DNAH8: variants seen among roughly 807,000 people sequenced by gnomAD.
The protein encoded by DNAH8 is dynein axonemal heavy chain 8.
Under a neutral mutation model 562.1 loss-of-function variants are expected in DNAH8, and 382 were observed. That is an observed-to-expected ratio of 0.68 (90% CI 0.63 to 0.74). The LOEUF (loss-of-function observed/expected upper bound fraction) is 0.74. Among genes scored for constraint, DNAH8 ranks in the 30% least tolerant of loss-of-function variants. The pLI, the probability that DNAH8 is intolerant of heterozygous loss-of-function variation, is 0.00. For missense variants in DNAH8, 5,203 were observed against 5,620.4 expected, an observed-to-expected ratio of 0.93 and a Z score of 2.37; for synonymous variants, 1,881 against 1,919.4, an observed-to-expected ratio of 0.98 and a Z score of 0.52.
Position 38,791,573 on chromosome 6 carries a change from A to G in DNAH8, c.2800A>G (p.Met934Val). Residue 934 changes from methionine to valine, a missense_variant, in exon 21 of 93, where the codon ATG becomes GTG. Met to Val is a conservative substitution (Grantham distance 21, BLOSUM62 1). Transcript: ENST00000327475. ...CTTGTAGATCAGTGACTTGTGTGAAATGCATATTGATACAGTTCTGAAGGA... is the reference window on the plus strand; with the variant it reads ...CTTGTAGATCAGTGACTTGTGTGAAGTGCATATTGATACAGTTCTGAAGGA... ...LLKKISDLCE[M>V]HIDTVLKEIA... The G allele has an allele frequency of 6.2e-7, 1 of 1,611,440 alleles. No individual in the cohort carries two copies. Among genetic ancestry groups the G allele is most frequent in the Non-Finnish European group, 8.5e-7 (1 of 1,179,374 alleles).
At chr6:38,721,355 T>C (rs201895591) in intron 1 of DNAH8, among the ~76,000 whole-genome samples, 22 of 121,654 alleles carry the variant, frequency 1.8e-4, no homozygotes, top group East Asian at 7.0e-4. Flanking sequence ...AACAAATAAA[T>C]AAATTAGCCA....
intron 91 of DNAH8, among the ~76,000 whole-genome samples, chr6:39,021,727 T>C (rs995031498): frequency 1.3e-5 from 2 of 152,240 alleles, no homozygotes; most frequent in African/African-American, 4.8e-5. Flanking sequence ...GGAAGCTTAG[T>C]AACTGATTAG....
At chr6:38,786,733 A>T (rs1212170806) in intron 17 of DNAH8, 32 bp from the exon 18 acceptor site, 1 of 1,592,986 alleles carries the variant, frequency 6.3e-7, no homozygotes, top group East Asian at 2.2e-5. Context: ...GGAAATTCAG[A>T]ATGAGTAATG....
rs1764622206 is a variant in DNAH8, at chr6:38,989,285, G to GT, written c.13054-726dup. 3.9e-5 allele frequency among the ~76,000 whole-genome samples: 6 copies of GT among 152,254 alleles called. No individual in the cohort carries two copies. In the South Asian group the frequency reaches 8.3e-4, roughly 21 times the overall value. On this transcript the variant is annotated intron_variant, in intron 87 of 92. Transcript: ENST00000327475. ...CCCACTGGGAAAATTGCTGTGAGAC[G>GT]TAAGTCATTGCCTCAAATCTGGCTC... is the stretch of plus-strand genomic sequence containing the variant.
intron 76 of DNAH8, 34 bp from the exon 77 acceptor site, chr6:38,935,558 A>G: frequency 1.4e-6 from 2 of 1,451,974 alleles, no homozygotes; most frequent in Non-Finnish European, 9.6e-7. Flanking sequence ...TGGTAATTAT[A>G]GTTCCAATGT....
chr6:38,853,976 T>A (rs9357285), intron 41 of DNAH8, among the ~76,000 whole-genome samples: 6,331 of 151,966 alleles, frequency 0.042, 356 homozygotes, highest in East Asian at 0.28. Context: ...GTAAAAAAAA[T>A]TTTTAAGTTG....
chr6:38,884,746 AAAAAAC>A (rs1778788752), intron 56 of DNAH8, among the ~76,000 whole-genome samples: 1 of 152,216 alleles, frequency 6.6e-6, no homozygotes, highest in Non-Finnish European at 1.5e-5. Flanking sequence ...GTGATGTTCA[AAAAAAC>A]AAAAACAAAA....
At chr6:39,008,503 A>G (rs910771935) in intron 88 of DNAH8, among the ~76,000 whole-genome samples, 4 of 152,106 alleles carry the variant, frequency 2.6e-5, no homozygotes, top group Non-Finnish European at 5.9e-5. Context: ...GTTCAGCATG[A>G]GGTGGTCAGG....
At position 38,850,275 on chromosome 6, in the gene DNAH8, G is replaced by A. The variant is rs199737918; in HGVS notation, c.5224G>A (p.Asp1742Asn). The change falls in exon 38 of 93, where the codon GAC (aspartate) becomes AAC (asparagine). Residue 1742 changes from aspartate (D) to asparagine (N), a missense_variant. Transcript: ENST00000327475. The stretch of plus-strand genomic sequence containing the variant: ...GGAAGCAAAACGTTTTCAGAATATT[G>A]ACAAGTCTTGGATAAAAATAATGCA... ...PQEAKRFQNI[D>N]KSWIKIMQRA... 8.7e-5 allele frequency: 140 copies of A among 1,613,226 alleles called. 2 individuals carry two copies. The highest frequency in any genetic ancestry group is 8.3e-4 in the Middle Eastern group (5 of 6,050).
At chr6:38,729,018 C>T (rs1209463473) in intron 3 of DNAH8, among the ~76,000 whole-genome samples, 1 of 152,214 alleles carries the variant, frequency 6.6e-6, no homozygotes, top group African/African-American at 2.4e-5. Context: ...GCCTGGCCAA[C>T]ATGGCGAAAC....
Position 38,851,555 on chromosome 6 carries a change from G to T in DNAH8, c.5364-17G>T. ...AAAAAAAACCACTTGGTAACATACT[G>T]TCGACTTTATTTGAAGGTATTTGGA... On this transcript the variant is annotated splice_polypyrimidine_tract_variant and intron_variant, in intron 38 of 92. Coordinates refer to ENST00000327475, the MANE Select transcript of DNAH8 (RefSeq NM_001206927.2). 2.6e-6 allele frequency: 4 copies of T among 1,534,504 alleles called. No homozygotes were observed. Among genetic ancestry groups the T allele is most frequent in the Non-Finnish European group, 3.6e-6 (4 of 1,120,634 alleles).
intron 1 of DNAH8, among the ~76,000 whole-genome samples, chr6:38,715,939 TATATATATATA>T (rs1562520479): frequency 7.8e-5 from 2 of 25,558 alleles, no homozygotes; most frequent in African/African-American, 1.7e-4. Context: ...TATATATATA[TATATATATATA>T]TATATATATA....
chr6:38,914,061 C>A, intron 67 of DNAH8, 109 bp downstream of exon 67: 1 of 766,464 alleles, frequency 1.3e-6, no homozygotes, highest in Non-Finnish European at 2.2e-6. Context: ...ATGGACAATT[C>A]CTGATAAGAT....
At chr6:38,888,397 A>C (rs979521283) in intron 57 of DNAH8, among the ~76,000 whole-genome samples, 2 of 152,184 alleles carry the variant, frequency 1.3e-5, no homozygotes, top group African/African-American at 4.8e-5. Flanking sequence ...CAATTTGACT[A>C]GATTGAAATG....
At chr6:38,868,914 C>G (rs1244724521) in intron 48 of DNAH8, among the ~76,000 whole-genome samples, 2 of 151,990 alleles carry the variant, frequency 1.3e-5, no homozygotes, top group South Asian at 2.1e-4. Context: ...TCAAGTGATC[C>G]ACCCCACCTC....
At chr6:38,718,578 A>G (rs936107725) in intron 1 of DNAH8, among the ~76,000 whole-genome samples, 2 of 152,192 alleles carry the variant, frequency 1.3e-5, no homozygotes, top group Non-Finnish European at 2.9e-5. Context: ...TATTTTGGGA[A>G]TCTTAGCTAT....
chr6:38,752,203 A>G (rs569757237), intron 9 of DNAH8, among the ~76,000 whole-genome samples: 21 of 148,280 alleles, frequency 1.4e-4, no homozygotes, highest in South Asian at 4.2e-4. Flanking sequence ...TCTCTCTGTC[A>G]CCCAGGCTGG....
rs139485806 is a variant in DNAH8 at position 38,737,045 on chromosome 6, C to T, written c.763-22C>T. 8.6e-4 allele frequency: 1,278 copies of T among 1,492,908 alleles called. 6 individuals are homozygous for T. In the African/African-American group the frequency reaches 0.016, roughly 19 times the overall value. The allele number at this position is 1,492,908 out of a possible 1,614,324, so 92.5% of individuals were successfully genotyped here. ...TTAGTGGGATTAGCATGTAAAATAA[C>T]ATTTAAACTCCACCCTTTCAGGAAG... On this transcript the variant is annotated intron_variant, in intron 5 of 92. Transcript: ENST00000327475.
intron 1 of DNAH8, among the ~76,000 whole-genome samples, chr6:38,716,106 C>T (rs938877796): frequency 1.4e-4 from 21 of 150,122 alleles, no homozygotes; most frequent in African/African-American, 5.2e-4. Context: ...CTACAGGCAC[C>T]CGCCATCACG....
Sources: gnomAD v4.1 joint callset for allele counts (sites outside exome capture counted in the v4.1 genomes callset) on GRCh38, gnomAD v4.1.1 for gene constraint, MANE v1.5 for transcripts, NCBI Gene and HGNC (gene_info 2026-07-23, HGNC 2026-07-21) for gene names.